The following HERC3 variants were observed in gnomAD, a reference collection of about 807,000 sequenced individuals.
HERC3 encodes the protein HECT and RLD domain containing E3 ubiquitin protein ligase 3, also known as probable E3 ubiquitin-protein ligase HERC3.
Under a neutral mutation model 129.9 loss-of-function variants are expected in HERC3, and 58 were observed. That is an observed-to-expected ratio of 0.45 (90% confidence interval 0.36 to 0.56). The LOEUF is 0.56. HERC3 is among the 20% of genes least tolerant of loss of function. HERC3 has a pLI of 0.00. For missense variants in HERC3, 835 were observed against 1,244.2 expected, an observed-to-expected ratio of 0.67 and a Z score of 4.95; for synonymous variants, 430 against 451.0, an observed-to-expected ratio of 0.95 and a Z score of 0.59.
chr4:88,685,307 T>C (rs910150118), intron 21 of HERC3, among the ~76,000 whole-genome samples: 2 of 152,216 alleles, frequency 1.3e-5, no homozygotes, highest in Non-Finnish European at 2.9e-5. Context: ...CGTATGTTTA[T>C]TGCAGCACTA....
chr4:88,670,830 G>A (rs1731534726), intron 16 of HERC3, among the ~76,000 whole-genome samples: 1 of 152,046 alleles, frequency 6.6e-6, no homozygotes, highest in Non-Finnish European at 1.5e-5. Context: ...CAAGTGGCTG[G>A]AGTTCAAGAG....
the HERC3 span, among the ~76,000 whole-genome samples, chr4:88,547,467 A>G: frequency 0.048 from 7,379 of 152,246 alleles, 434 homozygotes; most frequent in East Asian, 0.28. Flanking sequence ...CATTTTCATT[A>G]TCGCAGAAAG....
chr4:88,563,938 G>A, the HERC3 span, among the ~76,000 whole-genome samples: 5 of 152,192 alleles, frequency 3.3e-5, no homozygotes, highest in East Asian at 1.9e-4. Flanking sequence ...GATTACAGGC[G>A]TGAGCCACCA....
intron 23 of HERC3, chr4:88,696,999 T>C (rs1397949732): frequency 4.2e-6 from 2 of 472,284 alleles, no homozygotes; most frequent in Admixed American, 7.8e-5. Context: ...TTTTGATATA[T>C]TTATTATGTT....
At chr4:88,642,455 A>G (rs912113919) in intron 3 of HERC3, among the ~76,000 whole-genome samples, 1 of 152,236 alleles carries the variant, frequency 6.6e-6, no homozygotes, top group South Asian at 2.1e-4. Flanking sequence ...GTGTTGGAAG[A>G]TTGCATTCTT....
At chr4:88,705,919 C>T (rs1291452324) in intron 25 of HERC3, among the ~76,000 whole-genome samples, 1 of 152,152 alleles carries the variant, frequency 6.6e-6, no homozygotes, top group Non-Finnish European at 1.5e-5. Context: ...TTCTCCTCTG[C>T]CTGGCTGCAT....
At chr4:88,548,232 T>G in the HERC3 span, among the ~76,000 whole-genome samples, 2 of 152,214 alleles carry the variant, frequency 1.3e-5, no homozygotes, top group Non-Finnish European at 2.9e-5. Context: ...TTAGAATTGG[T>G]GGCCATATAA....
intron 3 of HERC3, among the ~76,000 whole-genome samples, chr4:88,610,765 A>T (rs969083544): frequency 5.3e-5 from 8 of 152,206 alleles, no homozygotes; most frequent in African/African-American, 1.9e-4. Flanking sequence ...TCGCAGAACA[A>T]TGATAGCAAA....
chr4:88,670,073 A>G, intron 15 of HERC3, 50 bp downstream of exon 15: 1 of 1,603,830 alleles, frequency 6.2e-7, no homozygotes, highest in Non-Finnish European at 8.5e-7. Flanking sequence ...TGGTAGGGTA[A>G]AATGTCCTAG....
At chr4:88,569,683 A>G in the HERC3 span, among the ~76,000 whole-genome samples, 1,471 of 152,344 alleles carry the variant, frequency 9.7e-3, 13 homozygotes, top group Middle Eastern at 0.037. Flanking sequence ...CATGAAAGTC[A>G]CTATGTGTGC....
intron 1 of HERC3, among the ~76,000 whole-genome samples, chr4:88,595,078 G>T (rs1331230224): frequency 1.6e-5 from 2 of 128,172 alleles, no homozygotes; most frequent in Non-Finnish European, 3.2e-5. Flanking sequence ...TCCAGCCTGG[G>T]TGAAAGAGCC....
rs902857513 is a variant in HERC3 at position 88,615,627 on chromosome 4, A to G, written c.226+9578A>G. Among the ~76,000 whole-genome samples, 3 of 152,236 alleles carry G rather than the reference A, an allele frequency of 2.0e-5. No homozygotes were observed. The East Asian group carries it at 5.8e-4, about 29-fold the overall frequency. On this transcript the variant is annotated intron_variant, in intron 3 of 25. Coordinates refer to ENST00000402738, the MANE Select transcript of HERC3 (RefSeq NM_014606.3). ...CTGTGTGACTTGGAGAAAGTTGCTT[A>G]AACTCTACATGTCTTAGTTTCCTTA... is the stretch of plus-strand genomic sequence containing the variant.
chr4:88,531,778 C>G, the HERC3 span, among the ~76,000 whole-genome samples: 1 of 152,152 alleles, frequency 6.6e-6, no homozygotes, highest in Non-Finnish European at 1.5e-5. Context: ...AGAGTTGACA[C>G]GCAGGTTCTG....
At chr4:88,607,499 T>C (rs1040885826) in intron 3 of HERC3, among the ~76,000 whole-genome samples, 3 of 152,206 alleles carry the variant, frequency 2.0e-5, no homozygotes, top group African/African-American at 7.2e-5. Flanking sequence ...GATCTGGCTC[T>C]GTCGCCCAGG....
intron 23 of HERC3, among the ~76,000 whole-genome samples, chr4:88,689,066 G>C (rs890812315): frequency 1.3e-5 from 2 of 152,142 alleles, no homozygotes; most frequent in Non-Finnish European, 2.9e-5. Flanking sequence ...CTGTTTGTAC[G>C]CATGCAGGAA....
At chr4:88,549,789 C>G in the HERC3 span, among the ~76,000 whole-genome samples, 3 of 151,984 alleles carry the variant, frequency 2.0e-5, no homozygotes, top group South Asian at 6.2e-4. Context: ...ACTGCAACCT[C>G]CGCCTCCTAG....
chr4:88,597,450 A>G (rs1330570056), intron 2 of HERC3, among the ~76,000 whole-genome samples: 1 of 152,232 alleles, frequency 6.6e-6, no homozygotes, highest in Non-Finnish European at 1.5e-5. Flanking sequence ...TGCTGGTCAT[A>G]TGCCCAGCAG....
At chr4:88,572,537 G>T in the HERC3 span, among the ~76,000 whole-genome samples, 1 of 152,094 alleles carries the variant, frequency 6.6e-6, no homozygotes. Context: ...TTGGCCGAGT[G>T]TGGTGGCTCA....
the HERC3 span, among the ~76,000 whole-genome samples, chr4:88,563,727 T>G: frequency 6.6e-6 from 1 of 151,572 alleles, no homozygotes; most frequent in Non-Finnish European, 1.5e-5. Context: ...CGGCATGATC[T>G]CGGCTCACAG....
Sources: allele counts gnomAD v4.1 joint callset (sites outside exome capture counted in the v4.1 genomes callset), GRCh38; gene constraint gnomAD v4.1.1; transcripts MANE v1.5; gene names NCBI Gene and HGNC (gene_info 2026-07-23, HGNC 2026-07-21).